The following AHRR variants were observed in gnomAD, a reference collection of about 807,000 sequenced individuals.
AHRR encodes the protein ahR repressor.
AHRR carries 28 observed loss-of-function variants against 44.0 expected under a neutral mutation model. The ratio of observed to expected loss-of-function variants is 0.64; its 90% CI spans 0.47 to 0.87. AHRR has a LOEUF of 0.87. Among genes scored for constraint, AHRR ranks in the 40% least tolerant of loss-of-function variants. The pLI is 0.00. For missense variants in AHRR, 990 were observed against 953.9 expected, an observed-to-expected ratio of 1.04 and a Z score of -0.50; for synonymous variants, 434 against 407.0, an observed-to-expected ratio of 1.07 and a Z score of -0.80.
rs1376440289 is a variant in AHRR, at chr5:422,406, G to T, written c.442-323G>T. Reference sequence around the variant, plus strand: ...AACCGAGTCACAAAGAGTCCAAGTCGACAGGAAAGTGGATGTCTTGGCCCC... The same window carrying T: ...AACCGAGTCACAAAGAGTCCAAGTCTACAGGAAAGTGGATGTCTTGGCCCC... On this transcript the variant is annotated intron_variant, in intron 5 of 10. Transcript: ENST00000684583. 4 of 384,132 alleles carry T rather than the reference G, an allele frequency of 1.0e-5. No homozygotes were observed. The Admixed American group carries it at 1.2e-4, about 11-fold the overall frequency. 23.8% of individuals were successfully genotyped at this position (384,132 alleles called of 1,614,324 possible). A position where few individuals can be genotyped will look rare whatever the true frequency, so the allele number is the denominator to read the frequency against.
At chr5:398,864 G>A (rs1734885686) in intron 4 of AHRR, among the ~76,000 whole-genome samples, 2 of 152,132 alleles carry the variant, frequency 1.3e-5, no homozygotes, top group East Asian at 1.9e-4. Flanking sequence ...TCCAGCAGCC[G>A]CCCCCGTCTG....
Position 419,645 on chromosome 5 carries a change from C to T in AHRR, c.442-3084C>T, listed in dbSNP as rs879696682. On this transcript the variant is annotated intron_variant, in intron 5 of 10. Coordinates refer to ENST00000684583, the MANE Select transcript of AHRR (RefSeq NM_001377236.1). This position sits in a 1 kb window ranked among gnomAD's most constrained non-coding sequence, Gnocchi z 4.4. The stretch of plus-strand genomic sequence containing the variant: ...TGTTTGGAGCCATATTTCCCATTGT[C>T]CTGGCAAAGCCGGGGCCCTCCATGG... Among the ~76,000 whole-genome samples the T allele has an allele frequency of 4.6e-5, 7 of 152,110 alleles. No individual in the cohort carries two copies. The highest frequency in any genetic ancestry group is 8.8e-5 in the Non-Finnish European group (6 of 68,024).
At chr5:323,096 G>A (rs990203300) in intron 1 of AHRR, among the ~76,000 whole-genome samples, 3 of 152,210 alleles carry the variant, frequency 2.0e-5, no homozygotes, top group Non-Finnish European at 4.4e-5. Context: ...GTCTGTCGAG[G>A]CCCCACCCGT....
Position 434,294 on chromosome 5 carries a change from T to A in AHRR, c.1554T>A (p.Pro518=). 6.2e-7 allele frequency: 1 copy of A among 1,608,924 alleles called. No homozygotes were observed. The highest frequency in any genetic ancestry group is 8.5e-7 in the Non-Finnish European group (1 of 1,177,458). ...TGAAGCTGCAAGGTGTACCGATGCC[T>A]CCGGGGGACCTGTGTGGTCCGACGC... The part of the protein sequence containing the change: ...EDMKLQGVPM[P]PGDLCGPTLL... Residue 518 remains proline (P), a synonymous_variant, in exon 11 of 11, where the codon CCT becomes CCA. Coordinates refer to ENST00000684583, the MANE Select transcript of AHRR (RefSeq NM_001377236.1).
intron 4 of AHRR, among the ~76,000 whole-genome samples, chr5:398,884 G>A (rs368360649): frequency 1.3e-5 from 2 of 152,150 alleles, no homozygotes; most frequent in Non-Finnish European, 2.9e-5. Context: ...GTTCTGGGTG[G>A]ATTTTCCCCA....
At chr5:397,629 C>T (rs1384465368) in intron 4 of AHRR, among the ~76,000 whole-genome samples, 2 of 99,112 alleles carry the variant, frequency 2.0e-5, no homozygotes, top group African/African-American at 5.0e-5. Context: ...CCATGTTAGC[C>T]CCTGACCATC....
intron 4 of AHRR, chr5:403,588 A>T (rs563828748): frequency 2.6e-6 from 1 of 382,344 alleles, no homozygotes; most frequent in African/African-American, 2.1e-5. Context: ...GTGAGCCGAG[A>T]TCGCACCACA....
chr5:422,938 G>C, intron 6 of AHRR, 80 bp downstream of exon 6: 1 of 1,495,102 alleles, frequency 6.7e-7, no homozygotes, highest in Non-Finnish European at 8.9e-7. Flanking sequence ...AAATGACCCT[G>C]TCGCACCTTC....
At position 376,707 on chromosome 5, in the gene AHRR, G is replaced by A; in HGVS notation, c.342G>A (p.Leu114=). The change falls in exon 4 of 11, where the codon CTG becomes CTA. Residue 114 remains leucine, a synonymous_variant. Coordinates refer to ENST00000684583, the MANE Select transcript of AHRR (RefSeq NM_001377236.1). The part of the protein sequence containing the change: ...LAGSAVLEGR[L]LLESLNGFAL... ...GGTCTGCCGTGCTGGAGGGAAGGCTGCTGTTGGAGGTGAGTGCCACCCTTG... is the reference window on the plus strand; with the variant it reads ...GGTCTGCCGTGCTGGAGGGAAGGCTACTGTTGGAGGTGAGTGCCACCCTTG... The A allele has an allele frequency of 1.2e-6, 2 of 1,607,036 alleles. No homozygotes were observed. Among genetic ancestry groups the A allele is most frequent in the Non-Finnish European group, 1.7e-6 (2 of 1,177,250 alleles).
intron 3 of AHRR, 107 bp from the exon 4 acceptor site, chr5:376,503 G>T (rs879165625): frequency 1.6e-5 from 4 of 256,296 alleles, no homozygotes; most frequent in East Asian, 4.5e-5. Flanking sequence ...CAGATGTCAG[G>T]TGAGAACCGT....
chr5:335,564 C>T (rs1452690410), intron 1 of AHRR, among the ~76,000 whole-genome samples: 3 of 152,210 alleles, frequency 2.0e-5, no homozygotes, highest in Non-Finnish European at 2.9e-5. Flanking sequence ...GCTCTAGCCC[C>T]CTGAGTGCAT....
intron 4 of AHRR, among the ~76,000 whole-genome samples, chr5:381,841 C>A (rs1046575063): frequency 2.0e-5 from 3 of 151,538 alleles, no homozygotes; most frequent in African/African-American, 7.3e-5. Context: ...TTTGTAAATG[C>A]CTCATATCAG....
chr5:422,507 TGGCGGGCAGACGGGTG>T (rs1311336734), intron 5 of AHRR: 1 of 577,458 alleles, frequency 1.7e-6, no homozygotes, highest in South Asian at 1.9e-5. Context: ...GGGCACCACT[TGGCGGGCAGACGGGTG>T]GGCGGGTGCT....
intron 8 of AHRR, among the ~76,000 whole-genome samples, chr5:428,369 T>G (rs759088733): frequency 2.6e-5 from 4 of 152,242 alleles, no homozygotes; most frequent in Admixed American, 6.5e-5. Context: ...CGTCTGTCTA[T>G]GGACAAGTGG....
At chr5:355,276 G>C (rs547446419) in intron 3 of AHRR, among the ~76,000 whole-genome samples, 2 of 152,296 alleles carry the variant, frequency 1.3e-5, no homozygotes, top group East Asian at 3.9e-4. Flanking sequence ...TGGTGTGGTG[G>C]AGTGGGCACC....
At position 403,880 on chromosome 5, in the gene AHRR, C is replaced by T. The variant is rs911349390; in HGVS notation, c.352-9464C>T. 9.5e-5 allele frequency: 151 copies of T among 1,587,986 alleles called. 1 individual carries two copies. Among genetic ancestry groups the T allele is most frequent in the Non-Finnish European group, 1.2e-4 (144 of 1,158,492 alleles). On this transcript the variant is annotated intron_variant, in intron 4 of 10. Transcript: ENST00000684583. Reference sequence around the variant, plus strand: ...CACATTAAAGCTTTTCCTCCTTGAACAGCTTGTGGCCTAGATGAGAATGTA... The same window carrying T: ...CACATTAAAGCTTTTCCTCCTTGAATAGCTTGTGGCCTAGATGAGAATGTA...
chr5:347,353 T>A (rs922039668), intron 2 of AHRR, among the ~76,000 whole-genome samples: 2 of 152,190 alleles, frequency 1.3e-5, no homozygotes, highest in African/African-American at 2.4e-5. Context: ...GCAGAAAAAA[T>A]TAAATTTGTA....
chr5:379,584 A>T (rs1240024901), intron 4 of AHRR, among the ~76,000 whole-genome samples: 1 of 152,174 alleles, frequency 6.6e-6, no homozygotes, highest in Non-Finnish European at 1.5e-5. Flanking sequence ...TTTCCCTGTG[A>T]CTAACAATGC....
intron 4 of AHRR, among the ~76,000 whole-genome samples, chr5:407,238 G>A (rs571112687): frequency 9.9e-5 from 15 of 152,182 alleles, no homozygotes; most frequent in African/African-American, 3.6e-4. Flanking sequence ...GTATTACAGC[G>A]TGTTGATAAA....
Sources: gnomAD v4.1 joint callset for allele counts (sites outside exome capture counted in the v4.1 genomes callset) on GRCh38, gnomAD v4.1.1 for gene constraint, Gnocchi (gnomAD v3.1) non-coding constraint, MANE v1.5 for transcripts, NCBI Gene and HGNC (gene_info 2026-07-23, HGNC 2026-07-21) for gene names.